The following CNTNAP5 variants were observed in gnomAD, a reference collection of about 807,000 sequenced individuals.
CNTNAP5 encodes the protein contactin-associated protein-like 5.
CNTNAP5 carries 72 observed loss-of-function variants against 150.2 expected under a neutral mutation model. The ratio of observed to expected loss-of-function variants is 0.48; its 90% CI spans 0.40 to 0.58. The LOEUF is 0.58. Among genes scored for constraint, CNTNAP5 ranks in the 20% least tolerant of loss-of-function variants. CNTNAP5 has a pLI of 0.00. For missense variants in CNTNAP5, 1,636 were observed against 1,626.2 expected (o/e 1.01, Z -0.10); for synonymous variants, 672 against 619.8 (o/e 1.08, Z -1.25).
At chr2:124,469,527 G>T (rs973418035) in intron 6 of CNTNAP5, among the ~76,000 whole-genome samples, 1 of 151,850 alleles carries the variant, frequency 6.6e-6, no homozygotes, top group African/African-American at 2.4e-5. Context: ...TGATGTATGT[G>T]AAAAATTTGC....
At chr2:124,470,914 G>T (rs1045874135) in intron 6 of CNTNAP5, among the ~76,000 whole-genome samples, 3 of 151,730 alleles carry the variant, frequency 2.0e-5, no homozygotes. Context: ...TCTATTCTAT[G>T]GTTCCATTGG....
intron 5 of CNTNAP5, among the ~76,000 whole-genome samples, chr2:124,444,928 T>G (rs1692774411): frequency 1.3e-5 from 2 of 152,160 alleles, no homozygotes; most frequent in Non-Finnish European, 2.9e-5. Context: ...CACTGAGTGC[T>G]GGAAACCTGC....
At chr2:124,740,705 G>A (rs1680479948) in intron 13 of CNTNAP5, among the ~76,000 whole-genome samples, 1 of 152,140 alleles carries the variant, frequency 6.6e-6, no homozygotes, top group South Asian at 2.1e-4. Context: ...TTGCAAAAAT[G>A]CTATATAACC....
chr2:124,774,202 T>C (rs1681271171), intron 17 of CNTNAP5, among the ~76,000 whole-genome samples: 1 of 152,028 alleles, frequency 6.6e-6, no homozygotes, highest in African/African-American at 2.4e-5. Context: ...TTGTTTCCTT[T>C]TTTGTTTATT....
chr2:124,630,889 A>C (rs1187383668), intron 12 of CNTNAP5, among the ~76,000 whole-genome samples: 1 of 152,344 alleles, frequency 6.6e-6, no homozygotes, highest in Non-Finnish European at 1.5e-5. Context: ...TGGGACACAA[A>C]ATAAGTGTGC....
chr2:124,845,879 C>G (rs1573656606), intron 19 of CNTNAP5, among the ~76,000 whole-genome samples: 1 of 151,418 alleles, frequency 6.6e-6, no homozygotes, highest in African/African-American at 2.4e-5. Flanking sequence ...TTCTCTCTTC[C>G]TTTCTTGGTT....
chr2:124,619,514 A>C (rs1362132987), intron 12 of CNTNAP5, among the ~76,000 whole-genome samples: 1 of 152,088 alleles, frequency 6.6e-6, no homozygotes, highest in Non-Finnish European at 1.5e-5. Context: ...TGGCTGGAAC[A>C]TGGTACCTAA....
chr2:124,077,776 G>A (rs1682472400), intron 1 of CNTNAP5, among the ~76,000 whole-genome samples: 2 of 152,146 alleles, frequency 1.3e-5, no homozygotes, highest in African/African-American at 4.8e-5. Flanking sequence ...GTAGAATCAG[G>A]CAAGATTCTC....
chr2:124,170,192 A>G (rs189728829), intron 1 of CNTNAP5, among the ~76,000 whole-genome samples: 1 of 152,268 alleles, frequency 6.6e-6, no homozygotes, highest in East Asian at 1.9e-4. Context: ...CAGGCAGCAT[A>G]TGGTGATAGT....
chr2:124,246,622 C>T (rs867809921), intron 3 of CNTNAP5, among the ~76,000 whole-genome samples: 8 of 152,256 alleles, frequency 5.3e-5, no homozygotes, highest in South Asian at 2.1e-4. Context: ...CAGACCAGGT[C>T]CTGTTAACAG....
intron 13 of CNTNAP5, among the ~76,000 whole-genome samples, chr2:124,655,824 C>T (rs1276544324): frequency 2.0e-5 from 3 of 151,264 alleles, no homozygotes; most frequent in Non-Finnish European, 1.5e-5. Context: ...TTGCTTGATC[C>T]CAGGAGTTCT....
intron 17 of CNTNAP5, among the ~76,000 whole-genome samples, chr2:124,777,790 T>TGTGC (rs1256070073): frequency 7.5e-6 from 1 of 132,646 alleles, no homozygotes. Context: ...TGTGTGTGTG[T>TGTGC]GTGTGTGTGT....
intron 3 of CNTNAP5, among the ~76,000 whole-genome samples, chr2:124,321,443 CAAA>C (rs5834060): frequency 1.5e-5 from 2 of 132,748 alleles, no homozygotes. Context: ...AACTCTATCT[CAAA>C]AAAAAAAAAA....
chr2:124,790,075 G>A lies in CNTNAP5; in HGVS notation c.2926G>A (p.Glu976Lys), dbSNP rs2104632544. The change falls in exon 18 of 24, where the codon GAG (glutamate) becomes AAG (lysine). Residue 976 changes from glutamate to lysine, a missense_variant. Glu to Lys is a moderately conservative substitution (Grantham distance 56). Transcript: ENST00000682447. ...SICHNGGKCV[E>K]KHNGYLCDCT... ...CTGCCACAACGGGGGCAAGTGTGTG[G>A]AGAAGCACAATGGCTACCTGTGTGA... 2 of 1,613,894 alleles carry A rather than the reference G, an allele frequency of 1.2e-6. No homozygotes were observed. Among genetic ancestry groups the A allele is most frequent in the East Asian group, 4.5e-5 (2 of 44,838 alleles).
At chr2:124,411,876 C>T (rs1329692611) in intron 3 of CNTNAP5, among the ~76,000 whole-genome samples, 1 of 63,710 alleles carries the variant, frequency 1.6e-5, no homozygotes, top group East Asian at 3.3e-4. Context: ...AAGTTCTGGC[C>T]AGGGCAATTA....
chr2:124,331,669 A>T (rs1465584255), intron 3 of CNTNAP5, among the ~76,000 whole-genome samples: 1 of 151,988 alleles, frequency 6.6e-6, no homozygotes, highest in Non-Finnish European at 1.5e-5. Context: ...TCCACTAACC[A>T]GAATTAGAAT....
intron 1 of CNTNAP5, among the ~76,000 whole-genome samples, chr2:124,211,262 A>G (rs1170636): frequency 0.31 from 47,447 of 152,070 alleles, 7,537 homozygotes; most frequent in South Asian, 0.47. Flanking sequence ...GAGATGATCC[A>G]CTTAGAAAGC....
At position 124,916,554 on chromosome 2, in the gene CNTNAP5, T is replaced by C. The variant is rs755774871; in HGVS notation, c.*2266T>C. Among the ~76,000 whole-genome samples, 5 of 152,072 alleles carry C rather than the reference T, an allele frequency of 3.3e-5. No homozygotes were observed. The highest frequency in any genetic ancestry group is 5.9e-5 in the Non-Finnish European group (4 of 67,984). On this transcript the variant is annotated 3_prime_UTR_variant, in exon 24 of 24. Coordinates refer to ENST00000682447, the MANE Select transcript of CNTNAP5 (RefSeq NM_001367498.1). The stretch of plus-strand genomic sequence containing the variant: ...TAATAAAGCTGGAACTCTTCATTAT[T>C]CAATCTTTGAGCAGTGAGGACTATG...
chr2:124,251,586 T>A (rs1687180931), intron 3 of CNTNAP5, among the ~76,000 whole-genome samples: 1 of 152,006 alleles, frequency 6.6e-6, no homozygotes, highest in Non-Finnish European at 1.5e-5. Flanking sequence ...ATCAAGCATC[T>A]GTTAGGCACA....
Sources: gnomAD v4.1 joint callset for allele counts (sites outside exome capture counted in the v4.1 genomes callset) on GRCh38, gnomAD v4.1.1 for gene constraint, MANE v1.5 for transcripts, NCBI Gene and HGNC (gene_info 2026-07-23, HGNC 2026-07-21) for gene names.